The following CLTRN variants were observed in gnomAD, a reference collection of about 807,000 sequenced individuals.
CLTRN encodes collectrin, amino acid transport regulator.
A neutral mutation model predicts 14.5 loss-of-function variants in CLTRN; 12 were observed. That is an observed-to-expected ratio of 0.83 (90% CI 0.53 to 1.34). The LOEUF (loss-of-function observed/expected upper bound fraction) is 1.34. CLTRN is among the 40% of genes most tolerant of loss of function. The probability of loss-of-function intolerance (pLI) is 0.00; values close to 1 mark genes in which losing one functional copy is unlikely to be tolerated. For missense variants in CLTRN, 154 were observed against 165.1 expected (o/e 0.93, Z 0.37); for synonymous variants, 58 against 56.5 (o/e 1.03, Z -0.12).
At chrX:15,637,291 A>G (rs1928839894) in intron 5 of CLTRN, among the ~76,000 whole-genome samples, 1 of 111,716 alleles carries the variant, frequency 9.0e-6, no homozygotes, top group Admixed American at 9.6e-5. Flanking sequence ...TTCCATGATT[A>G]GAAAGGGCTT....
chrX:15,646,339 G>A (rs746574892), intron 3 of CLTRN: 5 of 263,147 alleles, frequency 1.9e-5, no homozygotes, highest in Middle Eastern at 1.4e-3. Flanking sequence ...GGCCCTGACC[G>A]CAGATTTCGG....
intron 5 of CLTRN, among the ~76,000 whole-genome samples, chrX:15,638,794 G>A (rs968077164): frequency 2.7e-5 from 3 of 111,716 alleles, no homozygotes; most frequent in Non-Finnish European, 3.8e-5. Flanking sequence ...CTTAGACATC[G>A]AAGTTTGCAA....
In CLTRN at chrX:15,664,322, A is replaced by G. The variant is rs370317935; in HGVS notation, c.117+15T>C. The G allele has an allele frequency of 6.0e-5, 70 of 1,172,090 alleles. No individual in the cohort carries two copies. In the African/African-American group the frequency reaches 1.1e-3, roughly 19 times the overall value. On this transcript the variant is annotated intron_variant, in intron 2 of 5. Coordinates refer to ENST00000380342, the MANE Select transcript of CLTRN (RefSeq NM_020665.6). ...CAAACAAAATTTAAAAAGAACACTC[A>G]GGTGCTCCACTTACTGCTTTATCTC...
chrX:15,641,638 G>C (rs1399014870), intron 4 of CLTRN, among the ~76,000 whole-genome samples: 2 of 92,980 alleles, frequency 2.2e-5, no homozygotes, highest in Non-Finnish European at 4.4e-5. Flanking sequence ...ACACCTGGCT[G>C]TGTGTGTGTG....
At chrX:15,670,797 C>A (rs1929702628) in intron 1 of CLTRN, among the ~76,000 whole-genome samples, 1 of 108,787 alleles carries the variant, frequency 9.2e-6, no homozygotes, top group Non-Finnish European at 1.9e-5. Flanking sequence ...TTAAAAATGT[C>A]ATTTAGGTAA....
At chrX:15,646,402 T>TCA (rs1569251471) in intron 3 of CLTRN, 3 of 307,902 alleles carry the variant, frequency 9.7e-6, no homozygotes, top group Non-Finnish European at 1.9e-5. Flanking sequence ...TGCCCTGCTC[T>TCA]CATGGGCAGC....
chrX:15,632,287 A>G (rs1928711913), intron 5 of CLTRN, among the ~76,000 whole-genome samples: 1 of 112,624 alleles, frequency 8.9e-6, no homozygotes, highest in African/African-American at 3.2e-5. Context: ...CAAACAAAAT[A>G]GAGCTGACTG....
intron 3 of CLTRN, chrX:15,646,756 G>C (rs1362913124): frequency 1.5e-5 from 5 of 337,071 alleles, no homozygotes; most frequent in African/African-American, 2.7e-5. Context: ...TCTGAGGCTC[G>C]CCTGGCCTAC....
intron 3 of CLTRN, among the ~76,000 whole-genome samples, chrX:15,655,753 C>G (rs1239318043): frequency 1.8e-5 from 2 of 111,856 alleles, no homozygotes; most frequent in Admixed American, 9.5e-5. Context: ...AGAGCTCCAG[C>G]TACTGTTACT....
intron 4 of CLTRN, among the ~76,000 whole-genome samples, chrX:15,641,018 G>C (rs1258998370): frequency 1.8e-5 from 2 of 112,125 alleles, no homozygotes; most frequent in Non-Finnish European, 3.8e-5. Flanking sequence ...ACAAGTAGGA[G>C]TTTTTAGACC....
At position 15,639,585 on chromosome X, in the gene CLTRN, T is replaced by A. The variant is rs759380936; in HGVS notation, c.489A>T (p.Leu163Phe). ...ACCTTCTACGTTGCCAGATCCCTGA[T>A]AAAATCAGTAGTGCAATTGCAACTA... is the stretch of plus-strand genomic sequence containing the variant. Reference protein sequence around the residue: ...IIIVAIALLILSGIWQRRRKN... With the variant: ...IIIVAIALLIFSGIWQRRRKN... The change falls in exon 5 of 6, where the codon TTA (leucine) becomes TTT (phenylalanine). Residue 163 changes from leucine (L) to phenylalanine (F), a missense_variant. Coordinates refer to ENST00000380342, the MANE Select transcript of CLTRN (RefSeq NM_020665.6). The A allele has an allele frequency of 8.3e-7, 1 of 1,208,354 alleles. No individual in the cohort carries two copies. Among genetic ancestry groups the A allele is most frequent in the Non-Finnish European group, 1.1e-6 (1 of 893,913 alleles).
intron 3 of CLTRN, among the ~76,000 whole-genome samples, chrX:15,650,755 T>C (rs1175803487): frequency 8.9e-6 from 1 of 111,984 alleles, no homozygotes; most frequent in Non-Finnish European, 1.9e-5. Context: ...CCAACAGATA[T>C]ATAACTCTAC....
At chrX:15,632,993 A>T (rs1265314452) in intron 5 of CLTRN, among the ~76,000 whole-genome samples, 1 of 111,049 alleles carries the variant, frequency 9.0e-6, no homozygotes, top group Non-Finnish European at 1.9e-5. Context: ...AGAATCAATT[A>T]TCGGGGAATT....
At chrX:15,671,264 T>G (rs1929713709) in intron 1 of CLTRN, among the ~76,000 whole-genome samples, 1 of 111,922 alleles carries the variant, frequency 8.9e-6, no homozygotes, top group East Asian at 2.8e-4. Flanking sequence ...ATTATAAAAC[T>G]GTTAACAAAA....
upstream of CLTRN, chrX:15,664,934 T>C (rs763021603): frequency 3.9e-4 from 173 of 443,977 alleles, 1 homozygote; most frequent in South Asian, 6.5e-3. Context: ...TTTGGGTTAA[T>C]ACTTCCATAA....
chrX:15,642,830 T>C (rs1371417722), intron 4 of CLTRN, among the ~76,000 whole-genome samples: 2 of 111,002 alleles, frequency 1.8e-5, no homozygotes, highest in Non-Finnish European at 3.8e-5. Context: ...CAATGGCTCA[T>C]GCCTGTAATC....
chrX:15,650,045 G>T (rs772298310), intron 3 of CLTRN, among the ~76,000 whole-genome samples: 1 of 100,273 alleles, frequency 1.0e-5, no homozygotes, highest in African/African-American at 3.7e-5. Flanking sequence ...GTCGGGGACT[G>T]TCTATGTTTT....
At chrX:15,650,337 G>A (rs954820689) in intron 3 of CLTRN, among the ~76,000 whole-genome samples, 6 of 110,651 alleles carry the variant, frequency 5.4e-5, no homozygotes, top group South Asian at 3.8e-4. Flanking sequence ...GTATCTACAC[G>A]AAAAATAAAA....
intron 3 of CLTRN, among the ~76,000 whole-genome samples, chrX:15,654,539 C>G (rs1216374756): frequency 8.9e-6 from 1 of 112,356 alleles, no homozygotes; most frequent in Non-Finnish European, 1.9e-5. Flanking sequence ...CATCTTCAAT[C>G]CAAGTTCCAG....
Sources: allele counts gnomAD v4.1 joint callset (sites outside exome capture counted in the v4.1 genomes callset), GRCh38; gene constraint gnomAD v4.1.1; transcripts MANE v1.5; gene names NCBI Gene and HGNC (gene_info 2026-07-23, HGNC 2026-07-21).